Variants in PTPRN2 observed in about 807,000 individuals in gnomAD.
PTPRN2 encodes receptor-type tyrosine-protein phosphatase N2.
PTPRN2 carries 74 observed loss-of-function variants against 118.8 expected under a neutral mutation model. The observed-to-expected ratio is 0.62, with a 90% CI of 0.52 to 0.76. The LOEUF is 0.76. Among genes scored for constraint, PTPRN2 ranks in the 30% least tolerant of loss-of-function variants. The pLI is 0.00. For synonymous variants in PTPRN2, 641 were observed against 608.0 expected, an observed-to-expected ratio of 1.05 and a Z score of -0.80; for missense variants, 1,481 against 1,394.4, an observed-to-expected ratio of 1.06 and a Z score of -0.99.
chr7:158,414,382 C>T (rs763907588), intron 2 of PTPRN2, among the ~76,000 whole-genome samples: 6 of 152,118 alleles, frequency 3.9e-5, no homozygotes, highest in Non-Finnish European at 8.8e-5. Context: ...CAGGAGGGTG[C>T]CCGGGCGGTT....
Position 157,903,917 on chromosome 7 carries a change from C to T in PTPRN2, c.1724-5180G>A, listed in dbSNP as rs1044077977. 4.6e-5 allele frequency among the ~76,000 whole-genome samples: 7 copies of T among 152,190 alleles called. No individual in the cohort carries two copies. The highest frequency in any genetic ancestry group is 8.8e-5 in the Non-Finnish European group (6 of 68,032). On this transcript the variant is annotated intron_variant, in intron 11 of 22. Coordinates refer to ENST00000389418, the MANE Select transcript of PTPRN2 (RefSeq NM_002847.5). This position sits in a 1 kb window ranked among gnomAD's most constrained non-coding sequence, Gnocchi z 4.2. ...GACCACGTGGGAGCCTCTGAGCCAG[C>T]ATGGCCCAGGTCTCAGCACACAGCA...
intron 12 of PTPRN2, among the ~76,000 whole-genome samples, chr7:157,890,635 G>A (rs1203773978): frequency 6.6e-6 from 1 of 152,166 alleles, no homozygotes; most frequent in Non-Finnish European, 1.5e-5. Context: ...GAGCGAGACT[G>A]TGTCTCAAAC....
At chr7:158,402,638 C>T (rs1813035294) in intron 2 of PTPRN2, among the ~76,000 whole-genome samples, 1 of 152,220 alleles carries the variant, frequency 6.6e-6, no homozygotes, top group Admixed American at 6.5e-5. Context: ...TGCAGCTGTC[C>T]ATGCGGCCTT....
intron 1 of PTPRN2, among the ~76,000 whole-genome samples, chr7:158,578,330 TA>T (rs1828446897): frequency 6.6e-6 from 1 of 151,042 alleles, no homozygotes; most frequent in Non-Finnish European, 1.5e-5. Flanking sequence ...GGCTCATGCC[TA>T]TAATCTCAGC....
chr7:158,341,647 T>A (rs1806831858), intron 2 of PTPRN2, among the ~76,000 whole-genome samples: 1 of 79,634 alleles, frequency 1.3e-5, no homozygotes, highest in South Asian at 4.4e-4. Context: ...CATGCAGACG[T>A]CACTCACACC....
At chr7:157,756,827 G>GA (rs1360269711) in intron 12 of PTPRN2, among the ~76,000 whole-genome samples, 1 of 151,660 alleles carries the variant, frequency 6.6e-6, no homozygotes, top group Non-Finnish European at 1.5e-5. Flanking sequence ...TGATAGACGA[G>GA]AAACTGCTCA....
chr7:157,985,730 C>T (rs1255158296), intron 11 of PTPRN2, among the ~76,000 whole-genome samples: 8 of 152,216 alleles, frequency 5.3e-5, no homozygotes, highest in Non-Finnish European at 1.2e-4. Flanking sequence ...ACTCACTGCA[C>T]AGCCAGCGCT....
In PTPRN2 at chr7:157,861,528, C is replaced by T. The variant is rs1810241136; in HGVS notation, c.1788+37145G>A. 6.6e-6 allele frequency among the ~76,000 whole-genome samples: 1 copy of T among 152,202 alleles called. No individual in the cohort carries two copies. The highest frequency in any genetic ancestry group is 2.4e-5 in the African/African-American group (1 of 41,452). On this transcript the variant is annotated intron_variant, in intron 12 of 22. Coordinates refer to ENST00000389418, the MANE Select transcript of PTPRN2 (RefSeq NM_002847.5). The surrounding 1 kb of genome is among the most constrained non-coding windows in gnomAD (Gnocchi z 5.8). ...CAGCCGCTGTGCCTCTGTGTGGCCT[C>T]CCCACCTTACCTGCAGACACGCTCC...
intron 11 of PTPRN2, among the ~76,000 whole-genome samples, chr7:158,071,663 CGTG>C (rs1328495820): frequency 3.9e-3 from 303 of 77,946 alleles, no homozygotes; most frequent in Middle Eastern, 0.013. Context: ...TGGAGGTGCT[CGTG>C]GTGGTGGAGG....
chr7:158,266,522 C>T (rs1344114229), intron 3 of PTPRN2, among the ~76,000 whole-genome samples: 7 of 151,840 alleles, frequency 4.6e-5, no homozygotes, highest in Admixed American at 6.6e-5. Context: ...AGGCTGGGGA[C>T]GGTGTCTGCT....
At chr7:158,329,336 C>T (rs1020789246) in intron 2 of PTPRN2, among the ~76,000 whole-genome samples, 1 of 152,182 alleles carries the variant, frequency 6.6e-6, no homozygotes, top group Non-Finnish European at 1.5e-5. Context: ...CACTTCCCAG[C>T]CTTTTACCTT....
intron 12 of PTPRN2, among the ~76,000 whole-genome samples, chr7:157,712,625 C>T (rs1798702252): frequency 6.6e-6 from 1 of 151,896 alleles, no homozygotes; most frequent in Admixed American, 6.6e-5. Context: ...GTGGTGGGCA[C>T]CTGTAATCTC....
intron 2 of PTPRN2, among the ~76,000 whole-genome samples, chr7:158,410,056 T>C (rs1813912305): frequency 6.6e-6 from 1 of 152,186 alleles, no homozygotes; most frequent in Non-Finnish European, 1.5e-5. Context: ...TGATCACTCC[T>C]TCGGTTTCCT....
intron 2 of PTPRN2, among the ~76,000 whole-genome samples, chr7:158,334,427 C>T (rs1211068712): frequency 8.5e-5 from 3 of 35,124 alleles, no homozygotes; most frequent in East Asian, 6.7e-4. Flanking sequence ...GCAGACGTCA[C>T]TCACACCCAC....
At chr7:158,278,510 G>C (rs1799190099) in intron 3 of PTPRN2, among the ~76,000 whole-genome samples, 1 of 152,146 alleles carries the variant, frequency 6.6e-6, no homozygotes, top group Admixed American at 6.5e-5. Context: ...CGCACCATTT[G>C]GGCAACAAAC....
At chr7:157,915,961 TG>T (rs1798371513) in intron 11 of PTPRN2, among the ~76,000 whole-genome samples, 1 of 152,218 alleles carries the variant, frequency 6.6e-6, no homozygotes, top group Non-Finnish European at 1.5e-5. Flanking sequence ...AGCTGCTTTG[TG>T]CTTATGAAGT....
intron 12 of PTPRN2, among the ~76,000 whole-genome samples, chr7:157,839,097 A>G (rs1479706277): frequency 6.6e-6 from 1 of 152,274 alleles, no homozygotes; most frequent in East Asian, 1.9e-4. Flanking sequence ...GGGTGGCTAC[A>G]GTGTTCTTGT....
chr7:157,570,164 C>T (rs1799687511), intron 20 of PTPRN2, among the ~76,000 whole-genome samples: 2 of 152,278 alleles, frequency 1.3e-5, no homozygotes, highest in African/African-American at 4.8e-5. Flanking sequence ...GCCTGGGCCG[C>T]CACGTAACCC....
chr7:158,129,629 CACAA>C (rs1818010804), intron 9 of PTPRN2, among the ~76,000 whole-genome samples: 1 of 152,176 alleles, frequency 6.6e-6, no homozygotes, highest in Admixed American at 6.5e-5. Context: ...CCACACCACA[CACAA>C]AGCAGTGTTT....
Sources: gnomAD v4.1 joint callset for allele counts (sites outside exome capture counted in the v4.1 genomes callset) on GRCh38, gnomAD v4.1.1 for gene constraint, Gnocchi (gnomAD v3.1) non-coding constraint, MANE v1.5 for transcripts, NCBI Gene and HGNC (gene_info 2026-07-23, HGNC 2026-07-21) for gene names.